Variants in PDE1C observed in about 807,000 individuals in gnomAD.
PDE1C encodes the protein dual specificity calcium/calmodulin-dependent 3',5'-cyclic nucleotide phosphodiesterase 1C.
In PDE1C, 62 loss-of-function variants were observed where a neutral mutation model predicts 93.1. The ratio of observed to expected loss-of-function variants is 0.67; its 90% CI spans 0.54 to 0.82. The LOEUF (loss-of-function observed/expected upper bound fraction) is 0.82. Among genes scored for constraint, PDE1C ranks in the 40% least tolerant of loss-of-function variants. The pLI, the probability that PDE1C is intolerant of heterozygous loss-of-function variation, is 0.00. For missense variants in PDE1C, 742 were observed against 884.6 expected, an observed-to-expected ratio of 0.84 and a Z score of 2.04; for synonymous variants, 325 against 310.1, an observed-to-expected ratio of 1.05 and a Z score of -0.50.
chr7:31,651,077 C>A, the PDE1C span: 2 of 1,555,734 alleles, frequency 1.3e-6, no homozygotes, highest in South Asian at 2.5e-5. Context: ...ACAGGCTCCA[C>A]CATGGTGAGC....
At position 32,421,970 on chromosome 7, in the gene PDE1C, G is replaced by T. The variant is rs78172182; in HGVS notation, c.310+5852C>A. On this transcript the variant is annotated intron_variant, in intron 1 of 1. Coordinates refer to the PDE1C transcript ENST00000672256. ...TTTGAAAGCAATGAATCCAGTAACC[G>T]CCAGGAAAGAGAATCAAAAGAAAGT... Among the ~76,000 whole-genome samples, 1,157 of 152,220 alleles carry T rather than the reference G, an allele frequency of 7.6e-3. 10 individuals are homozygous for T. The highest frequency in any genetic ancestry group is 0.017 in the Middle Eastern group (5 of 294).
At chr7:31,963,972 G>A (rs956720425) in intron 2 of PDE1C, among the ~76,000 whole-genome samples, 1 of 152,178 alleles carries the variant, frequency 6.6e-6, no homozygotes, top group Non-Finnish European at 1.5e-5. Context: ...AAAAAGTGGG[G>A]TGGAGGCAAG....
rs529893275 is a variant in PDE1C at position 32,377,836 on chromosome 7, C to T, written c.310+49986G>A. Among the ~76,000 whole-genome samples, 16 of 152,178 alleles carry T rather than the reference C, an allele frequency of 1.1e-4. 1 individual carries two copies. Among genetic ancestry groups the T allele is most frequent in the Admixed American group, 9.2e-4 (14 of 15,270 alleles). Reference sequence around the variant, plus strand: ...CTATACTCTATTGCCTCGCACCAAGCAAACCAAGCGGCCCCAGAGGAAAAA... The same window carrying T: ...CTATACTCTATTGCCTCGCACCAAGTAAACCAAGCGGCCCCAGAGGAAAAA... On this transcript the variant is annotated intron_variant, in intron 1 of 1. Transcript: ENST00000672256.
chr7:31,992,946 G>C (rs1474941356), intron 2 of PDE1C, among the ~76,000 whole-genome samples: 2 of 152,274 alleles, frequency 1.3e-5, no homozygotes, highest in East Asian at 3.9e-4. Context: ...ACATAATGAA[G>C]TTTTTATCTC....
At chr7:32,265,557 G>C (rs1272186317) in intron 1 of PDE1C, among the ~76,000 whole-genome samples, 1 of 152,170 alleles carries the variant, frequency 6.6e-6, no homozygotes, top group East Asian at 1.9e-4. Context: ...AAGAGAGACA[G>C]GGAACAAACG....
intron 2 of PDE1C, among the ~76,000 whole-genome samples, chr7:32,189,711 G>A (rs142900647): frequency 2.8e-4 from 43 of 152,242 alleles, no homozygotes; most frequent in African/African-American, 9.1e-4. Context: ...AAATAAAAGC[G>A]TTTGAAAGTA....
chr7:32,389,208 T>TGG (rs1562702856), intron 1 of PDE1C, among the ~76,000 whole-genome samples: 1 of 110,812 alleles, frequency 9.0e-6, no homozygotes, highest in Non-Finnish European at 1.9e-5. Flanking sequence ...TGGTTTTTGT[T>TGG]TGTTTGTTTG....
intron 1 of PDE1C, among the ~76,000 whole-genome samples, chr7:32,065,251 C>T (rs1261193690): frequency 6.6e-6 from 1 of 152,184 alleles, no homozygotes; most frequent in Non-Finnish European, 1.5e-5. Context: ...CCAGTAGTCC[C>T]TAAGAACATC....
intron 1 of PDE1C, among the ~76,000 whole-genome samples, chr7:32,056,932 C>T (rs1055333406): frequency 6.6e-6 from 1 of 152,062 alleles, no homozygotes; most frequent in African/African-American, 2.4e-5. Context: ...GAAACACTGC[C>T]CAGCTTTTCC....
intron 16 of PDE1C, among the ~76,000 whole-genome samples, chr7:31,793,812 C>A (rs1431477544): frequency 2.0e-5 from 3 of 151,644 alleles, no homozygotes; most frequent in Non-Finnish European, 2.9e-5. Flanking sequence ...TTATTTTCAA[C>A]ATGTGCATGC....
At chr7:31,657,366 G>A in the PDE1C span, among the ~76,000 whole-genome samples, 6 of 152,142 alleles carry the variant, frequency 3.9e-5, no homozygotes, top group Non-Finnish European at 7.4e-5. Flanking sequence ...TTCTGTCTGC[G>A]TTATACATTG....
At chr7:31,967,833 T>A (rs1810268412) in intron 2 of PDE1C, among the ~76,000 whole-genome samples, 1 of 152,224 alleles carries the variant, frequency 6.6e-6, no homozygotes, top group Non-Finnish European at 1.5e-5. Context: ...TAATCCAGCA[T>A]ATAAATAGAA....
intron 1 of PDE1C, among the ~76,000 whole-genome samples, chr7:32,290,282 G>A (rs533802215): frequency 1.8e-4 from 28 of 152,280 alleles, no homozygotes; most frequent in South Asian, 6.2e-4. Context: ...ACTTGCAGCC[G>A]TGCCAGAATG....
At chr7:31,627,248 C>T in the PDE1C span, among the ~76,000 whole-genome samples, 2 of 152,094 alleles carry the variant, frequency 1.3e-5, 1 homozygote, top group East Asian at 3.9e-4. Flanking sequence ...ATAAGTGAGA[C>T]TACATCAAAT....
At chr7:32,377,387 C>A (rs1179063696) in intron 1 of PDE1C, among the ~76,000 whole-genome samples, 1 of 152,216 alleles carries the variant, frequency 6.6e-6, no homozygotes, top group African/African-American at 2.4e-5. Context: ...TAGCCTGTAA[C>A]ACTCGTCTTA....
intron 1 of PDE1C, among the ~76,000 whole-genome samples, chr7:32,307,850 T>G (rs1279521006): frequency 1.3e-5 from 2 of 152,232 alleles, no homozygotes; most frequent in African/African-American, 4.8e-5. Flanking sequence ...GGTACCGGGT[T>G]CATCTCACTA....
chr7:31,981,063 T>C (rs1812305509), intron 2 of PDE1C, among the ~76,000 whole-genome samples: 1 of 152,212 alleles, frequency 6.6e-6, no homozygotes, highest in African/African-American at 2.4e-5. Flanking sequence ...AGAGCCATCA[T>C]TTCACTTACC....
the PDE1C span, among the ~76,000 whole-genome samples, chr7:31,624,551 G>T: frequency 7.6e-6 from 1 of 131,500 alleles, no homozygotes; most frequent in Non-Finnish European, 1.6e-5. Flanking sequence ...AATGGTGCTG[G>T]GAAAACTGGC....
downstream of PDE1C, among the ~76,000 whole-genome samples, chr7:31,748,035 A>C (rs1794042787): frequency 6.6e-6 from 1 of 152,148 alleles, no homozygotes; most frequent in African/African-American, 2.4e-5. Flanking sequence ...TGAGCAAGGA[A>C]GGGATTAGTT....
Sources: allele counts gnomAD v4.1 joint callset (sites outside exome capture counted in the v4.1 genomes callset), GRCh38; gene constraint gnomAD v4.1.1; transcripts MANE v1.5; gene names NCBI Gene and HGNC (gene_info 2026-07-23, HGNC 2026-07-21).